EPC1: variants seen among roughly 807,000 people sequenced by gnomAD.
EPC1 encodes enhancer of polycomb 1, also known as enhancer of polycomb homolog 1.
EPC1 carries 12 observed loss-of-function variants against 98.4 expected under a neutral mutation model. The observed-to-expected ratio is 0.12, with a 90% CI of 0.08 to 0.20. The LOEUF is 0.20. Ranked by LOEUF, EPC1 falls within the 10% of genes least tolerant of loss-of-function variation. The pLI, the probability that EPC1 is intolerant of heterozygous loss-of-function variation, is 1.00. For missense variants in EPC1, 729 were observed against 990.5 expected, an observed-to-expected ratio of 0.74 and a Z score of 3.54; for synonymous variants, 357 against 363.9, an observed-to-expected ratio of 0.98 and a Z score of 0.21.
chr10:32,328,871 G>A (rs1391535007), intron 1 of EPC1, among the ~76,000 whole-genome samples: 3 of 152,194 alleles, frequency 2.0e-5, no homozygotes, highest in South Asian at 2.1e-4. Context: ...GGTGGTTGCA[G>A]GTAACATTTT....
chr10:32,343,892 A>G (rs1344921841), intron 1 of EPC1, among the ~76,000 whole-genome samples: 1 of 152,250 alleles, frequency 6.6e-6, no homozygotes, highest in Non-Finnish European at 1.5e-5. Flanking sequence ...TGTATTTCAC[A>G]TGACAATTCT....
chr10:32,342,423 C>A (rs1838421984), intron 1 of EPC1, among the ~76,000 whole-genome samples: 1 of 152,082 alleles, frequency 6.6e-6, no homozygotes, highest in Non-Finnish European at 1.5e-5. Context: ...GTACATATTT[C>A]CCATTTCCCC....
chr10:32,274,814 A>G (rs1234345338), intron 10 of EPC1, among the ~76,000 whole-genome samples: 1 of 152,212 alleles, frequency 6.6e-6, no homozygotes, highest in East Asian at 1.9e-4. Flanking sequence ...AATGTGTTAT[A>G]CCAAAACTTG....
chr10:32,287,151 T>C lies in EPC1; in HGVS notation c.1099A>G (p.Lys367Glu). ...GGAAAGTCATACTGATTCAGATCTT[T>C]AGCATTGAAGACTGGCAGTGCAGCA... is the stretch of plus-strand genomic sequence containing the variant. ...SPAALPVFNA[K>E]DLNQYDFPSS... Residue 367 changes from lysine (K) to glutamate (E), a missense_variant, in exon 7 of 14, where the codon AAA becomes GAA. Lys to Glu is a moderately conservative substitution (Grantham distance 56, BLOSUM62 1). Around this residue, in one of 6 missense-constraint regions of EPC1, gnomAD observed 390 missense variants for 438.6 expected, o/e 0.89. Coordinates refer to ENST00000319778, the MANE Select transcript of EPC1 (RefSeq NM_001272004.3). The C allele has an allele frequency of 1.2e-6, 2 of 1,614,196 alleles. No homozygotes were observed. The highest frequency in any genetic ancestry group is 8.5e-7 in the Non-Finnish European group (1 of 1,180,034).
intron 1 of EPC1, among the ~76,000 whole-genome samples, chr10:32,353,938 G>A (rs1839197780): frequency 6.6e-6 from 1 of 152,050 alleles, no homozygotes; most frequent in South Asian, 2.1e-4. Context: ...AACACTGGAA[G>A]CCCTTTATAG....
intron 6 of EPC1, among the ~76,000 whole-genome samples, chr10:32,287,514 AAGG>A (rs1836753637): frequency 6.6e-6 from 1 of 152,208 alleles, no homozygotes; most frequent in Non-Finnish European, 1.5e-5. Context: ...TTTCAATTAA[AAGG>A]AGAGAACAGA....
At chr10:32,368,764 C>A (rs1024751213) in intron 1 of EPC1, among the ~76,000 whole-genome samples, 1 of 152,108 alleles carries the variant, frequency 6.6e-6, no homozygotes, top group African/African-American at 2.4e-5. Context: ...CTGTGTAAGG[C>A]CTATTTTGAT....
intron 1 of EPC1, among the ~76,000 whole-genome samples, chr10:32,310,849 G>A (rs1316047023): frequency 6.6e-6 from 1 of 151,884 alleles, no homozygotes; most frequent in Admixed American, 6.6e-5. Context: ...ACTCCAACCT[G>A]GGCAACAGAG....
chr10:32,345,873 T>TC (rs1838743658), intron 1 of EPC1, among the ~76,000 whole-genome samples: 1 of 152,128 alleles, frequency 6.6e-6, no homozygotes, highest in East Asian at 1.9e-4. Context: ...GGGTCTTTTC[T>TC]CCCCCTATGT....
intron 1 of EPC1, among the ~76,000 whole-genome samples, chr10:32,318,823 CTAGTA>C (rs1284756230): frequency 6.6e-6 from 1 of 152,244 alleles, no homozygotes; most frequent in African/African-American, 2.4e-5. Flanking sequence ...CTTCTAACCT[CTAGTA>C]TTACATTACT....
At chr10:32,293,871 C>T (rs767446407) in intron 2 of EPC1, 134 bp from the exon 3 acceptor site, 16 of 782,462 alleles carry the variant, frequency 2.0e-5, no homozygotes, top group African/African-American at 3.5e-5. Context: ...TTTTCAGAGT[C>T]GCAAACAATC....
chr10:32,359,340 A>G lies in EPC1; in HGVS notation c.3+19151T>C, dbSNP rs537472245. Among the ~76,000 whole-genome samples the G allele has an allele frequency of 1.6e-4, 24 of 152,364 alleles. 1 individual carries two copies. The highest frequency in any genetic ancestry group is 6.8e-3 in the Middle Eastern group (2 of 294). The stretch of plus-strand genomic sequence containing the variant: ...GAAATTCTGGCAGGTACTAGAATTG[A>G]GCAGATTGCTACACTTTGATAGTAT... On this transcript the variant is annotated intron_variant, in intron 1 of 13. Transcript: ENST00000375110.
In EPC1 at chr10:32,312,314, C is replaced by T. The variant is rs1364629166; in HGVS notation, c.154-6383G>A. ...ACCACACTTTATAAAACAGAATATA[C>T]GTAGCCCTTAAATATTTCTGAATGA... On this transcript the variant is annotated intron_variant, in intron 1 of 13. Transcript: ENST00000319778. 2.6e-5 allele frequency among the ~76,000 whole-genome samples: 4 copies of T among 152,266 alleles called. No homozygotes were observed. The East Asian group carries it at 5.8e-4, about 22-fold the overall frequency.
chr10:32,363,183 C>T (rs1564567859), intron 1 of EPC1, among the ~76,000 whole-genome samples: 1 of 152,208 alleles, frequency 6.6e-6, no homozygotes, highest in Non-Finnish European at 1.5e-5. Flanking sequence ...AGGCAATCAT[C>T]CCACCTCAGC....
At position 32,268,989 on chromosome 10, in the gene EPC1, T is replaced by C; in HGVS notation, c.*74A>G. 1 of 1,236,102 alleles carries C rather than the reference T, an allele frequency of 8.1e-7. No individual in the cohort carries two copies. Among genetic ancestry groups the C allele is most frequent in the Non-Finnish European group, 1.2e-6 (1 of 845,832 alleles). The allele number at this position is 1,236,102 out of a possible 1,614,324, so 76.6% of individuals were successfully genotyped here. A position where few individuals can be genotyped will look rare whatever the true frequency, so the allele number is the denominator to read the frequency against. On this transcript the variant is annotated 3_prime_UTR_variant, in exon 14 of 14. Transcript: ENST00000319778. ...GAAACGCATGTGCTGCTTTCCATCA[T>C]CCCTTGCATTCAAAATGCTACTGAT... is the stretch of plus-strand genomic sequence containing the variant.
chr10:32,299,618 A>G (rs905594249), intron 2 of EPC1, among the ~76,000 whole-genome samples: 1 of 151,628 alleles, frequency 6.6e-6, no homozygotes, highest in Non-Finnish European at 1.5e-5. Context: ...TTTTTTCTCC[A>G]TTGTGATTAG....
chr10:32,345,814 A>T (rs981617642), intron 1 of EPC1, among the ~76,000 whole-genome samples: 1 of 152,218 alleles, frequency 6.6e-6, no homozygotes, highest in Admixed American at 6.5e-5. Flanking sequence ...GGTTTTGAAT[A>T]AGAAAGGATC....
chr10:32,344,288 G>A (rs548950170), intron 1 of EPC1, among the ~76,000 whole-genome samples: 39 of 152,236 alleles, frequency 2.6e-4, no homozygotes, highest in Admixed American at 2.4e-3. Context: ...TTGTTTACCA[G>A]GTACTTTTTA....
At chr10:32,324,050 T>C (rs1029407518) in intron 1 of EPC1, among the ~76,000 whole-genome samples, 26 of 151,970 alleles carry the variant, frequency 1.7e-4, no homozygotes, top group Non-Finnish European at 3.2e-4. Context: ...ATTCTCCTGC[T>C]TCAGCCTCCC....
Sources: allele counts gnomAD v4.1 joint callset (sites outside exome capture counted in the v4.1 genomes callset), GRCh38; gene constraint gnomAD v4.1.1; regional missense constraint gnomAD v4.1.1; transcripts MANE v1.5; gene names NCBI Gene and HGNC (gene_info 2026-07-23, HGNC 2026-07-21).